Variants in POTEG observed in about 807,000 individuals in gnomAD.
POTEG encodes ANKRD26-like family C member 2.
A neutral mutation model predicts 49.6 loss-of-function variants in POTEG; 2 were observed. The ratio of observed to expected loss-of-function variants is 0.04; its 90% CI spans 0.02 to 0.13. POTEG has a LOEUF of 0.13. Ranked by LOEUF, POTEG falls within the 10% of genes least tolerant of loss-of-function variation. The pLI is 1.00. For missense variants in POTEG, 26 were observed against 545.2 expected, an observed-to-expected ratio of 0.05 and a Z score of 9.48; for synonymous variants, 7 against 186.6, an observed-to-expected ratio of 0.04 and a Z score of 7.84.
intron 6 of POTEG, among the ~76,000 whole-genome samples, chr14:19,419,304 T>A (rs1193213267): frequency 7.4e-5 from 1 of 13,494 alleles, no homozygotes; most frequent in African/African-American, 5.4e-4. Context: ...TTTGCTTACA[T>A]ATAATTCTGG....
chr14:19,414,038 AT>A (rs2139153162), intron 8 of POTEG, among the ~76,000 whole-genome samples: 1 of 67,520 alleles, frequency 1.5e-5, no homozygotes, highest in Admixed American at 1.6e-4. Context: ...GCCTTTGAGC[AT>A]TCTTTTTTCA....
At position 19,425,046 on chromosome 14, in the gene POTEG, T is replaced by C. The variant is rs1474103755; in HGVS notation, c.917+560A>G. 5 of 69,274 alleles carry C rather than the reference T, an allele frequency of 7.2e-5. No individual in the cohort carries two copies. In the East Asian group the frequency reaches 1.8e-3, roughly 25 times the overall value. 4.3% of individuals were successfully genotyped at this position (69,274 alleles called of 1,614,324 possible). On this transcript the variant is annotated intron_variant, in intron 4 of 10. Transcript: ENST00000547848. ...TCTTCACTCCCTCTCTCCATACCAATTAAAAATAAAAACATCAAAATACAC... is the reference window on the plus strand; with the variant it reads ...TCTTCACTCCCTCTCTCCATACCAACTAAAAATAAAAACATCAAAATACAC...
chr14:19,433,017 C>T (rs867470666), intron 1 of POTEG, among the ~76,000 whole-genome samples: 427 of 75,714 alleles, frequency 5.6e-3, no homozygotes, highest in Middle Eastern at 0.02. Flanking sequence ...CTCCGCCTCC[C>T]GGGTTCACGC....
intron 6 of POTEG, 177 bp downstream of exon 6, chr14:19,421,440 CATTATAT>C: frequency 2.6e-6 from 2 of 780,364 alleles, no homozygotes; most frequent in Admixed American, 7.1e-5. Context: ...ATAATTATTT[CATTATAT>C]ATTACAATGT....
chr14:19,415,646 A>G (rs202120197), intron 7 of POTEG, among the ~76,000 whole-genome samples: 7,077 of 134,030 alleles, frequency 0.053, no homozygotes, highest in East Asian at 0.091. Context: ...CCTCTATTCC[A>G]AAAGGAAAGA....
chr14:19,432,372 A>G lies in POTEG; in HGVS notation c.521+1397T>C, dbSNP rs1255320715. ...AAAAAAAAAAAGAAATTTTGTATATATATATATATATATATATATATATAT... is the reference window on the plus strand; with the variant it reads ...AAAAAAAAAAAGAAATTTTGTATATGTATATATATATATATATATATATAT... On this transcript the variant is annotated intron_variant, in intron 1 of 10. Coordinates refer to ENST00000547848, the MANE Select transcript of POTEG (RefSeq NM_001005356.3). Among the ~76,000 whole-genome samples, 217 of 70,786 alleles carry G rather than the reference A, an allele frequency of 3.1e-3. 6 individuals are homozygous for G. Among genetic ancestry groups the G allele is most frequent in the Admixed American group, 0.011 (69 of 6,482 alleles). 46.4% of individuals were successfully genotyped at this position (70,786 alleles called of 152,430 possible). A position where few individuals can be genotyped will look rare whatever the true frequency, so the allele number is the denominator to read the frequency against.
intron 1 of POTEG, among the ~76,000 whole-genome samples, chr14:19,432,384 A>ACACATG (rs1884173487): frequency 1.2e-4 from 8 of 66,394 alleles, no homozygotes; most frequent in Non-Finnish European, 3.8e-5. Flanking sequence ...ATATATATAT[A>ACACATG]TATATATATA....
rs537076105 is a variant in POTEG, at chr14:19,420,003, C to T, written c.1126+1621G>A. On this transcript the variant is annotated intron_variant, in intron 6 of 10. Coordinates refer to ENST00000547848, the MANE Select transcript of POTEG (RefSeq NM_001005356.3). Reference sequence around the variant, plus strand: ...TCACCTCATTCCCAACCTCTCGTATCTCACACTTTTGGTATTAGCAAAAGT... The same window carrying T: ...TCACCTCATTCCCAACCTCTCGTATTTCACACTTTTGGTATTAGCAAAAGT... Among the ~76,000 whole-genome samples, 3 of 140,938 alleles carry T rather than the reference C, an allele frequency of 2.1e-5. 1 individual carries two copies. In the South Asian group the frequency reaches 7.2e-4, roughly 34 times the overall value. 92.5% of individuals were successfully genotyped at this position (140,938 alleles called of 152,430 possible). A position where few individuals can be genotyped will look rare whatever the true frequency, so the allele number is the denominator to read the frequency against.
At chr14:19,426,310 A>G (rs1883942057) in intron 3 of POTEG, among the ~76,000 whole-genome samples, 1 of 140,974 alleles carries the variant, frequency 7.1e-6, no homozygotes, top group Non-Finnish European at 1.6e-5. Flanking sequence ...AATTAACAGA[A>G]TTTCTATCTG....
At chr14:19,419,914 G>A (rs369272427) in intron 6 of POTEG, among the ~76,000 whole-genome samples, 6,941 of 132,036 alleles carry the variant, frequency 0.053, 165 homozygotes, top group Middle Eastern at 0.095. Context: ...ATGGCCCATG[G>A]GGTAAAACCT....
intron 3 of POTEG, among the ~76,000 whole-genome samples, chr14:19,426,516 G>A (rs1260375675): frequency 2.6e-5 from 4 of 152,280 alleles, no homozygotes; most frequent in South Asian, 4.2e-4. Context: ...TTGAATGACT[G>A]AACAAAGAGA....
At chr14:19,433,086 A>G (rs1312065427) in intron 1 of POTEG, among the ~76,000 whole-genome samples, 2 of 141,220 alleles carry the variant, frequency 1.4e-5, no homozygotes, top group Non-Finnish European at 1.5e-5. Context: ...CACCGCGTCC[A>G]GCTAATTTTT....
At chr14:19,432,332 A>G (rs1172106192) in intron 1 of POTEG, among the ~76,000 whole-genome samples, 169 of 93,312 alleles carry the variant, frequency 1.8e-3, no homozygotes, top group African/African-American at 4.6e-3. Flanking sequence ...TGGGCAACAG[A>G]GTGAGACTCC....
At chr14:19,430,744 C>T (rs1315076082) in intron 1 of POTEG, among the ~76,000 whole-genome samples, 55 of 122,862 alleles carry the variant, frequency 4.5e-4, no homozygotes, top group Middle Eastern at 4.0e-3. Context: ...AAGAAAACTC[C>T]TGTAGAGTAG....
intron 6 of POTEG, among the ~76,000 whole-genome samples, chr14:19,419,101 A>T (rs1883661763): frequency 4.1e-5 from 3 of 72,692 alleles, no homozygotes; most frequent in African/African-American, 2.3e-4. Context: ...AAACCTTGTA[A>T]TACATTGATG....
intron 6 of POTEG, among the ~76,000 whole-genome samples, chr14:19,418,960 C>T (rs1355266364): frequency 2.7e-4 from 24 of 89,224 alleles, no homozygotes; most frequent in Admixed American, 3.9e-4. Flanking sequence ...TTATTTCTTA[C>T]GGGAAAAAAA....
At chr14:19,423,558 G>GTCAT (rs1477003906) in intron 5 of POTEG, 3 of 148,792 alleles carry the variant, frequency 2.0e-5, no homozygotes, top group Non-Finnish European at 1.5e-5. Context: ...AAACATCAAA[G>GTCAT]TCACTGTATC....
intron 7 of POTEG, among the ~76,000 whole-genome samples, chr14:19,414,808 G>A (rs1389768797): frequency 2.2e-5 from 3 of 138,634 alleles, no homozygotes; most frequent in Non-Finnish European, 5.0e-5. Context: ...TTTAGCTACT[G>A]CCACATCACT....
Position 19,419,014 on chromosome 14 carries a change from A to C in POTEG, c.1126+2610T>G, listed in dbSNP as rs1883657897. Among the ~76,000 whole-genome samples the C allele has an allele frequency of 3.5e-5, 4 of 113,860 alleles. 1 individual carries two copies. Among genetic ancestry groups the C allele is most frequent in the South Asian group, 3.4e-4 (1 of 2,974 alleles). 74.7% of individuals were successfully genotyped at this position (113,860 alleles called of 152,430 possible). A position where few individuals can be genotyped will look rare whatever the true frequency, so the allele number is the denominator to read the frequency against. ...AAAAGCATAACACCAAAAAAAAAAA[A>C]AACAAAAACAAAGGCCAACATATTA... On this transcript the variant is annotated intron_variant, in intron 6 of 10. Transcript: ENST00000547848.
Sources: allele counts gnomAD v4.1 joint callset (sites outside exome capture counted in the v4.1 genomes callset), GRCh38; gene constraint gnomAD v4.1.1; transcripts MANE v1.5; gene names NCBI Gene and HGNC (gene_info 2026-07-23, HGNC 2026-07-21).